KIAA1217: variants seen among roughly 807,000 people sequenced by gnomAD.
KIAA1217 encodes the protein KIAA1217.
Under a neutral mutation model 163.9 loss-of-function variants are expected in KIAA1217, and 88 were observed. The ratio of observed to expected loss-of-function variants is 0.54; its 90% CI spans 0.45 to 0.64. The LOEUF (loss-of-function observed/expected upper bound fraction) is 0.64, where lower values mean the gene tolerates loss of function less well. KIAA1217 is among the 30% of genes least tolerant of loss of function. KIAA1217 has a pLI of 0.00. For missense variants in KIAA1217, 2,372 were observed against 2,475.0 expected, an observed-to-expected ratio of 0.96 and a Z score of 0.88; for synonymous variants, 903 against 923.1, an observed-to-expected ratio of 0.98 and a Z score of 0.39.
chr10:24,427,890 T>C (rs1003405474), intron 3 of KIAA1217, among the ~76,000 whole-genome samples: 29 of 152,180 alleles, frequency 1.9e-4, no homozygotes, highest in African/African-American at 6.5e-4. Flanking sequence ...CTTTCCTGAA[T>C]TGAGAAAGCA....
chr10:24,321,640 T>C (rs1021977040), intron 2 of KIAA1217, among the ~76,000 whole-genome samples: 1 of 152,156 alleles, frequency 6.6e-6, no homozygotes, highest in Non-Finnish European at 1.5e-5. Context: ...TTGAGGACAT[T>C]ATGCTCAGTG....
chr10:24,342,899 C>G (rs1254118003), intron 2 of KIAA1217, among the ~76,000 whole-genome samples: 1 of 152,038 alleles, frequency 6.6e-6, no homozygotes, highest in African/African-American at 2.4e-5. Context: ...CTCGGGGATC[C>G]GCCGACCTCT....
intron 1 of KIAA1217, among the ~76,000 whole-genome samples, chr10:23,961,218 C>T (rs375476806): frequency 1.3e-5 from 2 of 152,170 alleles, no homozygotes; most frequent in African/African-American, 4.8e-5. Flanking sequence ...AACAATCATC[C>T]TGTCTTTTCC....
chr10:23,700,112 C>G (rs12413323), intron 1 of KIAA1217, among the ~76,000 whole-genome samples: 2 of 152,054 alleles, frequency 1.3e-5, no homozygotes, highest in Non-Finnish European at 2.9e-5. Context: ...TATGGATAGA[C>G]GTGACCCTAA....
At chr10:23,978,122 G>T (rs1845616770) in intron 1 of KIAA1217, among the ~76,000 whole-genome samples, 2 of 152,146 alleles carry the variant, frequency 1.3e-5, no homozygotes, top group Admixed American at 1.3e-4. Context: ...GACACATTCT[G>T]CTCATAAAAT....
chr10:24,048,900 G>A (rs1395051741), intron 2 of KIAA1217, among the ~76,000 whole-genome samples: 2 of 150,900 alleles, frequency 1.3e-5, no homozygotes, highest in Middle Eastern at 3.2e-3. Context: ...GTGTGGTGGC[G>A]GGCACCTGTA....
intron 1 of KIAA1217, among the ~76,000 whole-genome samples, chr10:23,955,149 T>C (rs546363530): frequency 3.3e-5 from 5 of 152,292 alleles, no homozygotes; most frequent in African/African-American, 1.2e-4. Flanking sequence ...CCCTCTTTTA[T>C]AGAACACAAA....
chr10:24,090,096 A>C (rs961002602), intron 2 of KIAA1217, among the ~76,000 whole-genome samples: 3 of 149,228 alleles, frequency 2.0e-5, no homozygotes, highest in Non-Finnish European at 3.0e-5. Flanking sequence ...AAGTGGGGAG[A>C]TCCTGCTCAG....
chr10:24,208,836 T>C (rs765690766), upstream of KIAA1217: 1 of 213,556 alleles, frequency 4.7e-6, no homozygotes, highest in African/African-American at 2.3e-5. Flanking sequence ...GGCCCAGTTG[T>C]GGGTAGGAGA....
At chr10:24,077,536 A>G (rs2061406584) in intron 2 of KIAA1217, among the ~76,000 whole-genome samples, 1 of 152,188 alleles carries the variant, frequency 6.6e-6, no homozygotes, top group Admixed American at 6.5e-5. Flanking sequence ...GTGCCATAGT[A>G]TTCTATGGTG....
At chr10:24,185,565 T>C (rs1299470955) in intron 2 of KIAA1217, among the ~76,000 whole-genome samples, 1 of 151,998 alleles carries the variant, frequency 6.6e-6, no homozygotes, top group Non-Finnish European at 1.5e-5. Flanking sequence ...GAGGCTGAGG[T>C]GGACGGATTA....
Position 23,758,651 on chromosome 10 carries a change from T to C in KIAA1217, c.-321+63417T>C, listed in dbSNP as rs373942967. Reference sequence around the variant, plus strand: ...TTCTCTCTCTCTCTCTCTCTCCCCCTCCCTCCCTCCCTCCCCCTTTTTCTT... The same window carrying C: ...TTCTCTCTCTCTCTCTCTCTCCCCCCCCCTCCCTCCCTCCCCCTTTTTCTT... On this transcript the variant is annotated intron_variant, in intron 1 of 18. Coordinates refer to the KIAA1217 transcript ENST00000376462. Among the ~76,000 whole-genome samples the C allele has an allele frequency of 4.5e-3, 504 of 112,072 alleles. 8 individuals are homozygous for C. The highest frequency in any genetic ancestry group is 0.017 in the African/African-American group (477 of 28,408). The allele number at this position is 112,072 out of a possible 152,430, so 73.5% of individuals were successfully genotyped here.
At chr10:24,258,544 G>A (rs2075394165) in intron 2 of KIAA1217, among the ~76,000 whole-genome samples, 1 of 150,580 alleles carries the variant, frequency 6.6e-6, no homozygotes, top group Admixed American at 6.6e-5. Flanking sequence ...ACCGTGGGCA[G>A]ACAGCACACA....
chr10:24,125,201 G>C (rs1488838745), intron 2 of KIAA1217, among the ~76,000 whole-genome samples: 1 of 152,180 alleles, frequency 6.6e-6, no homozygotes, highest in Non-Finnish European at 1.5e-5. Flanking sequence ...GAACCCGGGA[G>C]ATGGAGGTTA....
At chr10:23,974,433 G>A (rs1269909259) in intron 1 of KIAA1217, among the ~76,000 whole-genome samples, 1 of 152,108 alleles carries the variant, frequency 6.6e-6, no homozygotes, top group Admixed American at 6.6e-5. Flanking sequence ...GACCTCAGTT[G>A]TTTTCTTCTA....
chr10:23,858,598 A>C (rs896597541), intron 1 of KIAA1217, among the ~76,000 whole-genome samples: 7 of 152,118 alleles, frequency 4.6e-5, no homozygotes, highest in African/African-American at 1.7e-4. Flanking sequence ...CTGACTCTGA[A>C]TATCATAAAA....
intron 1 of KIAA1217, among the ~76,000 whole-genome samples, chr10:23,807,449 A>G (rs1836792589): frequency 6.6e-6 from 1 of 152,262 alleles, no homozygotes; most frequent in Non-Finnish European, 1.5e-5. Flanking sequence ...GGCCTGGGCC[A>G]TTATGGCTGT....
At chr10:24,294,041 A>T (rs1025892141) in intron 2 of KIAA1217, among the ~76,000 whole-genome samples, 19 of 151,796 alleles carry the variant, frequency 1.3e-4, no homozygotes, top group Non-Finnish European at 2.4e-4. Context: ...AAAATAGAAA[A>T]AATAGCCGGG....
chr10:23,790,438 T>C (rs1465935180), intron 1 of KIAA1217, among the ~76,000 whole-genome samples: 1 of 102,930 alleles, frequency 9.7e-6, no homozygotes, highest in Non-Finnish European at 1.8e-5. Flanking sequence ...TACATATACA[T>C]ATATACATAT....
Sources: allele counts gnomAD v4.1 joint callset (sites outside exome capture counted in the v4.1 genomes callset), GRCh38; gene constraint gnomAD v4.1.1; transcripts MANE v1.5; gene names NCBI Gene and HGNC (gene_info 2026-07-23, HGNC 2026-07-21).